ZMYM4: variants seen among roughly 807,000 people sequenced by gnomAD.
ZMYM4 encodes zinc finger MYM-type protein 4.
A neutral mutation model predicts 183.2 loss-of-function variants in ZMYM4; 31 were observed. That is an observed-to-expected ratio of 0.17 (90% confidence interval 0.13 to 0.23). The LOEUF is 0.23. Ranked by LOEUF, ZMYM4 falls within the 10% of genes least tolerant of loss-of-function variation. The pLI is 1.00. For missense variants in ZMYM4, 1,273 were observed against 1,840.3 expected, an observed-to-expected ratio of 0.69 and a Z score of 5.64; for synonymous variants, 592 against 631.2, an observed-to-expected ratio of 0.94 and a Z score of 0.93.
At position 35,381,556 on chromosome 1, in the gene ZMYM4, A is replaced by C; in HGVS notation, c.1367A>C (p.Glu456Ala). 6.2e-7 allele frequency: 1 copy of C among 1,614,166 alleles called. No homozygotes were observed. The highest frequency in any genetic ancestry group is 8.5e-7 in the Non-Finnish European group (1 of 1,180,016). ...TTATTTAATTTCTAGATTCGACATG[A>C]AGTTAATTACCAGAATGTGGTCCAT... ...MCQKNAVIRH[E>A]VNYQNVVHKL... Residue 456 changes from glutamate to alanine, a missense_variant, in exon 9 of 30, where the codon GAA (glutamate) becomes GCA (alanine). This residue lies in a region of ZMYM4 where 319 missense variants were observed against 518.1 expected (regional missense o/e 0.62). Transcript: ENST00000314607.
chr1:35,385,965 C>T (rs1176059554), intron 10 of ZMYM4, 109 bp from the exon 11 acceptor site: 17 of 689,436 alleles, frequency 2.5e-5, no homozygotes, highest in Non-Finnish European at 3.1e-5. Flanking sequence ...GTTCCTACAA[C>T]TTACCCTGGC....
intron 7 of ZMYM4, among the ~76,000 whole-genome samples, chr1:35,373,225 A>T (rs945350583): frequency 6.7e-6 from 1 of 149,510 alleles, no homozygotes; most frequent in Admixed American, 6.7e-5. Flanking sequence ...AGTATAAATA[A>T]ATATATATAT....
intron 2 of ZMYM4, among the ~76,000 whole-genome samples, chr1:35,339,259 C>T (rs772299968): frequency 6.6e-6 from 1 of 151,360 alleles, no homozygotes. Flanking sequence ...TTTAAGATGG[C>T]GTTTCACTCT....
At chr1:35,413,593 C>T (rs951136501) in intron 26 of ZMYM4, among the ~76,000 whole-genome samples, 2 of 152,186 alleles carry the variant, frequency 1.3e-5, no homozygotes, top group South Asian at 2.1e-4. Flanking sequence ...CAAAAGAGCA[C>T]ATCTGCAGAT....
At chr1:35,418,086 T>G (rs2149050588) in intron 28 of ZMYM4, among the ~76,000 whole-genome samples, 1 of 152,296 alleles carries the variant, frequency 6.6e-6, no homozygotes, top group East Asian at 1.9e-4. Flanking sequence ...TTCTTTCTGC[T>G]TTATCTTGAT....
At chr1:35,344,291 T>C (rs1420565435) in intron 2 of ZMYM4, among the ~76,000 whole-genome samples, 3 of 152,102 alleles carry the variant, frequency 2.0e-5, no homozygotes, top group Non-Finnish European at 2.9e-5. Flanking sequence ...TGGCCTCAAG[T>C]GATCCACCTG....
At chr1:35,313,407 G>C (rs1051894844) in intron 1 of ZMYM4, among the ~76,000 whole-genome samples, 1 of 40,704 alleles carries the variant, frequency 2.5e-5, no homozygotes, top group African/African-American at 8.3e-5. Context: ...TTTTTTTTTT[G>C]AGACAGAGTC....
intron 1 of ZMYM4, among the ~76,000 whole-genome samples, chr1:35,289,285 G>A (rs1012993216): frequency 4.6e-5 from 7 of 152,184 alleles, no homozygotes; most frequent in African/African-American, 1.4e-4. Flanking sequence ...GGGTCAGTTA[G>A]GAAGCTATTG....
chr1:35,384,826 T>A (rs1056788367), intron 9 of ZMYM4, among the ~76,000 whole-genome samples: 1 of 150,824 alleles, frequency 6.6e-6, no homozygotes, highest in Non-Finnish European at 1.5e-5. Context: ...CCAGCATTAT[T>A]ATTTTTTTCT....
At chr1:35,312,828 C>G (rs1039196680) in intron 1 of ZMYM4, among the ~76,000 whole-genome samples, 2 of 151,180 alleles carry the variant, frequency 1.3e-5, no homozygotes, top group Non-Finnish European at 1.5e-5. Flanking sequence ...TCAAGTGATT[C>G]TTGTGCCTCA....
chr1:35,381,143 C>G, intron 7 of ZMYM4, 116 bp from the exon 8 acceptor site: 1 of 804,906 alleles, frequency 1.2e-6, no homozygotes, highest in Non-Finnish European at 1.8e-6. Context: ...AACTTAAATT[C>G]CAGTGTTATT....
chr1:35,386,407 T>C (rs886812832), intron 11 of ZMYM4, among the ~76,000 whole-genome samples: 4 of 152,158 alleles, frequency 2.6e-5, no homozygotes, highest in Non-Finnish European at 1.5e-5. Context: ...CGGCACGTCT[T>C]ACATGATGGG....
At chr1:35,371,636 A>C (rs1351502840) in intron 7 of ZMYM4, among the ~76,000 whole-genome samples, 1 of 152,164 alleles carries the variant, frequency 6.6e-6, no homozygotes, top group African/African-American at 2.4e-5. Context: ...GGCTACTCAA[A>C]CCATGATTCA....
intron 23 of ZMYM4, chr1:35,404,787 T>C (rs1464055353): frequency 3.0e-6 from 1 of 337,056 alleles, no homozygotes; most frequent in Non-Finnish European, 5.3e-6. Context: ...TACCCAAATG[T>C]TAGTGATTAT....
At chr1:35,396,726 A>G in intron 19 of ZMYM4, 56 bp downstream of exon 19, 1 of 1,585,416 alleles carries the variant, frequency 6.3e-7, no homozygotes, top group Non-Finnish European at 8.6e-7. Flanking sequence ...CTCAATTAAA[A>G]CTGTATAGTT....
chr1:35,382,788 A>C (rs1477078547), intron 9 of ZMYM4, among the ~76,000 whole-genome samples: 1 of 152,094 alleles, frequency 6.6e-6, no homozygotes, highest in Non-Finnish European at 1.5e-5. Flanking sequence ...TGTATTCTTT[A>C]ACAATATTTT....
At chr1:35,407,199 C>T (rs1330444952) in intron 25 of ZMYM4, among the ~76,000 whole-genome samples, 2 of 151,970 alleles carry the variant, frequency 1.3e-5, no homozygotes, top group Non-Finnish European at 2.9e-5. Context: ...TTTGGGAGGC[C>T]GAGGCGGGCG....
intron 7 of ZMYM4, among the ~76,000 whole-genome samples, chr1:35,372,428 G>A (rs1020505033): frequency 6.6e-6 from 1 of 152,214 alleles, no homozygotes; most frequent in Admixed American, 6.5e-5. Flanking sequence ...AAATTTTTTA[G>A]TTAGAAAGAA....
chr1:35,359,425 A>G lies in ZMYM4; in HGVS notation c.586A>G (p.Ser196Gly). The G allele has an allele frequency of 6.4e-7, 1 of 1,565,152 alleles. No individual in the cohort carries two copies. The highest frequency in any genetic ancestry group is 8.6e-7 in the Non-Finnish European group (1 of 1,163,866). The change falls in exon 3 of 30, where the codon AGC (serine) becomes GGC (glycine). Residue 196 changes from serine (S) to glycine (G), a missense_variant. Coordinates refer to ENST00000314607, the MANE Select transcript of ZMYM4 (RefSeq NM_005095.3). ...TAAAGATTTGGATTCAAGGTTGAAAAGCAGTTTTTTTGATAAAGCAGGTAA... is the reference window on the plus strand; with the variant it reads ...TAAAGATTTGGATTCAAGGTTGAAAGGCAGTTTTTTTGATAAAGCAGGTAA... The part of the protein sequence containing the change: ...PHKDLDSRLK[S>G]SFFDKAANQV...
Sources: gnomAD v4.1 joint callset for allele counts (sites outside exome capture counted in the v4.1 genomes callset) on GRCh38, gnomAD v4.1.1 for gene constraint, gnomAD v4.1.1 regional missense constraint, MANE v1.5 for transcripts, NCBI Gene and HGNC (gene_info 2026-07-23, HGNC 2026-07-21) for gene names.